The following UGT2A2 variants were observed in gnomAD, a reference collection of about 807,000 sequenced individuals.
The protein encoded by UGT2A2 is UDP-glucuronosyltransferase 2A2.
A neutral mutation model predicts 50.7 loss-of-function variants in UGT2A2; 60 were observed. The observed-to-expected ratio is 1.18, with a 90% CI of 0.96 to 1.47. UGT2A2 has a LOEUF of 1.47. Among genes scored for constraint, UGT2A2 ranks in the 40% most tolerant of loss-of-function variants. The probability of loss-of-function intolerance (pLI) is 0.00; values close to 1 mark genes in which losing one functional copy is unlikely to be tolerated. For synonymous variants in UGT2A2, 242 were observed against 214.6 expected, an observed-to-expected ratio of 1.13 and a Z score of -1.11; for missense variants, 762 against 634.0, an observed-to-expected ratio of 1.20 and a Z score of -2.17.
chr4:69,599,107 C>G (rs1239035367), intron 2 of UGT2A2, 139 bp downstream of exon 2: 2 of 1,296,060 alleles, frequency 1.5e-6, no homozygotes, highest in African/African-American at 3.0e-5. Flanking sequence ...TAGGAGACCT[C>G]TATCACAAGG....
At chr4:69,607,312 A>C (rs1414657999) in intron 1 of UGT2A2, among the ~76,000 whole-genome samples, 2 of 151,520 alleles carry the variant, frequency 1.3e-5, no homozygotes, top group Non-Finnish European at 2.9e-5. Flanking sequence ...AAAACAAGAA[A>C]TGGGGAAATG....
At position 69,639,596 on chromosome 4, in the gene UGT2A2, C is replaced by T; in HGVS notation, c.45G>A (p.Gln15=). The T allele has an allele frequency of 6.2e-7, 1 of 1,607,416 alleles. No individual in the cohort carries two copies. Among genetic ancestry groups the T allele is most frequent in the Non-Finnish European group, 8.5e-7 (1 of 1,177,426 alleles). Residue 15 remains glutamine (Q), a synonymous_variant, in exon 1 of 6, where the codon CAG becomes CAA. Coordinates refer to ENST00000604629, the MANE Select transcript of UGT2A2 (RefSeq NM_001105677.2). The part of the protein sequence containing the change: ...RDFTMPKKFV[Q]MLVFNLTLTE... ...TCAGAGTCAAATTAAAAACCAGCATCTGGACAAACTTCTTAGGCATGGTAA... is the reference window on the plus strand; with the variant it reads ...TCAGAGTCAAATTAAAAACCAGCATTTGGACAAACTTCTTAGGCATGGTAA...
chr4:69,634,923 G>A (rs1039416252), intron 1 of UGT2A2, among the ~76,000 whole-genome samples: 7 of 152,034 alleles, frequency 4.6e-5, no homozygotes, highest in Non-Finnish European at 7.4e-5. Flanking sequence ...ACTGTTAAGA[G>A]ATTTGTTTTC....
chr4:69,611,125 T>G (rs1720013055), intron 1 of UGT2A2, among the ~76,000 whole-genome samples: 2 of 151,372 alleles, frequency 1.3e-5, no homozygotes, highest in African/African-American at 2.4e-5. Flanking sequence ...AAAAAAGAAA[T>G]CTACTGTTTT....
chr4:69,606,026 C>G (rs1185030114), intron 1 of UGT2A2, among the ~76,000 whole-genome samples: 2 of 136,658 alleles, frequency 1.5e-5, no homozygotes, highest in African/African-American at 5.9e-5. Flanking sequence ...CCTTCTGAAA[C>G]TATTCCAAGC....
At chr4:69,630,341 C>G (rs1721313713) in intron 1 of UGT2A2, among the ~76,000 whole-genome samples, 1 of 152,022 alleles carries the variant, frequency 6.6e-6, no homozygotes, top group Non-Finnish European at 1.5e-5. Flanking sequence ...CATGCAGCGT[C>G]TTTACTCTTT....
At chr4:69,628,687 A>G (rs1205544839) in intron 1 of UGT2A2, among the ~76,000 whole-genome samples, 1 of 150,078 alleles carries the variant, frequency 6.7e-6, no homozygotes, top group Non-Finnish European at 1.5e-5. Context: ...ATGGGAGAAA[A>G]AAATAAAAGC....
At chr4:69,621,229 A>G (rs1236288493) in intron 1 of UGT2A2, among the ~76,000 whole-genome samples, 1 of 152,110 alleles carries the variant, frequency 6.6e-6, no homozygotes, top group Non-Finnish European at 1.5e-5. Context: ...GAATGAGAGA[A>G]AATATTTGCA....
chr4:69,600,994 A>T (rs950259860), intron 1 of UGT2A2, among the ~76,000 whole-genome samples: 5 of 152,062 alleles, frequency 3.3e-5, no homozygotes, highest in African/African-American at 1.2e-4. Context: ...GATCTAAACC[A>T]TCTCAGTGGG....
intron 1 of UGT2A2, among the ~76,000 whole-genome samples, chr4:69,610,240 C>T (rs1719955049): frequency 7.8e-6 from 1 of 128,074 alleles, no homozygotes; most frequent in Non-Finnish European, 1.7e-5. Context: ...TCTAATTCTG[C>T]CATTACAAAA....
chr4:69,599,612 G>A, intron 1 of UGT2A2: 1 of 557,896 alleles, frequency 1.8e-6, no homozygotes, highest in Non-Finnish European at 2.7e-6. Context: ...AGGGAGGAAG[G>A]GAGGAAGGCA....
At chr4:69,614,778 T>C (rs1395400872) in intron 1 of UGT2A2, among the ~76,000 whole-genome samples, 1 of 151,994 alleles carries the variant, frequency 6.6e-6, no homozygotes, top group Non-Finnish European at 1.5e-5. Flanking sequence ...ACAATGAAAG[T>C]GGACCTCTGA....
At chr4:69,625,643 A>G (rs550831143) in intron 1 of UGT2A2, among the ~76,000 whole-genome samples, 1 of 151,260 alleles carries the variant, frequency 6.6e-6, no homozygotes, top group East Asian at 1.9e-4. Context: ...TTATATGCTT[A>G]CTTTTATGTT....
At chr4:69,618,203 G>GTC (rs1720517253) in intron 1 of UGT2A2, among the ~76,000 whole-genome samples, 1 of 92,208 alleles carries the variant, frequency 1.1e-5, no homozygotes, top group South Asian at 4.4e-4. Flanking sequence ...GTGTGTGTGT[G>GTC]TGTGTGTGTG....
rs114770148 is a variant in UGT2A2, at chr4:69,615,731, A to G, written c.743-16337T>C. ...CGCCGCAAAAACAAACAAGCAAACA[A>G]ACAGACAGACAAAAAAACAGGCAAT... On this transcript the variant is annotated intron_variant, in intron 1 of 5. Coordinates refer to ENST00000604629, the MANE Select transcript of UGT2A2 (RefSeq NM_001105677.2). Among the ~76,000 whole-genome samples the G allele has an allele frequency of 4.3e-3, 649 of 152,050 alleles. 5 individuals carry two copies. Among genetic ancestry groups the G allele is most frequent in the African/African-American group, 0.013 (541 of 41,518 alleles).
intron 1 of UGT2A2, among the ~76,000 whole-genome samples, chr4:69,608,151 CAA>C (rs1308043470): frequency 6.6e-6 from 1 of 152,100 alleles, no homozygotes; most frequent in Non-Finnish European, 1.5e-5. Flanking sequence ...TTCACAATAG[CAA>C]AGACTTGGAA....
At chr4:69,625,422 A>T (rs1026906651) in intron 1 of UGT2A2, among the ~76,000 whole-genome samples, 4 of 150,646 alleles carry the variant, frequency 2.7e-5, no homozygotes, top group Admixed American at 1.3e-4. Context: ...ATATGTTAGG[A>T]TGTTTTGTTT....
chr4:69,625,053 T>A (rs1197197828), intron 1 of UGT2A2, among the ~76,000 whole-genome samples: 2 of 151,252 alleles, frequency 1.3e-5, no homozygotes, highest in Non-Finnish European at 3.0e-5. Flanking sequence ...GGTATTAAAT[T>A]TGCTGGGAAT....
rs1362947861 is a variant in UGT2A2 at position 69,599,264 on chromosome 4, A to G, written c.873T>C (p.Pro291=). 5 of 1,613,456 alleles carry G rather than the reference A, an allele frequency of 3.1e-6. No individual in the cohort carries two copies. The highest frequency in any genetic ancestry group is 4.2e-6 in the Non-Finnish European group (5 of 1,179,816). ...FEFVGGLHCK[P]AKPLPKEMEE... ...GACCTACCTTAGGTAAAGGTTTGGCAGGTTTGCAGTGCAATCCTCCAACAA... is the reference window on the plus strand; with the variant it reads ...GACCTACCTTAGGTAAAGGTTTGGCGGGTTTGCAGTGCAATCCTCCAACAA... The change falls in exon 2 of 6, where the codon CCT becomes CCC. Residue 291 remains proline, a synonymous_variant. Transcript: ENST00000604629.
Sources: allele counts gnomAD v4.1 joint callset (sites outside exome capture counted in the v4.1 genomes callset), GRCh38; gene constraint gnomAD v4.1.1; transcripts MANE v1.5; gene names NCBI Gene and HGNC (gene_info 2026-07-23, HGNC 2026-07-21).